PADI3: variants seen among roughly 807,000 people sequenced by gnomAD.
The protein encoded by PADI3 is peptidyl arginine deiminase 3, also known as protein-arginine deiminase type-3.
PADI3 carries 53 observed loss-of-function variants against 71.5 expected under a neutral mutation model. The observed-to-expected ratio is 0.74, with a 90% CI of 0.59 to 0.93. The LOEUF (loss-of-function observed/expected upper bound fraction) is 0.93, where lower values mean the gene tolerates loss of function less well. PADI3 is among the 40% of genes least tolerant of loss of function. PADI3 has a pLI of 0.00. For missense variants in PADI3, 821 were observed against 868.0 expected, an observed-to-expected ratio of 0.95 and a Z score of 0.68; for synonymous variants, 361 against 347.5, an observed-to-expected ratio of 1.04 and a Z score of -0.43.
intron 4 of PADI3, 70 bp downstream of exon 4, chr1:17,265,790 G>GGCCGGGCGCGGTGGCTC: frequency 7.2e-7 from 1 of 1,390,480 alleles, no homozygotes; most frequent in Non-Finnish European, 1.0e-6. Context: ...GGTTAAGAAG[G>GGCCGGGCGCGGTGGCTC]ATGAGGCCAT....
At position 17,262,155 on chromosome 1, in the gene PADI3, G is replaced by A; in HGVS notation, c.296G>A (p.Ser99Asn). ...DSHVQISYHSSHEPLPLAYAV... is the reference protein window; with the variant it reads ...DSHVQISYHSNHEPLPLAYAV... ...CAGGTTCAGATTTCCTACCACTCCA[G>A]CCATGAGCCTCTGCCCCTGGCCTAT... is the stretch of plus-strand genomic sequence containing the variant. Residue 99 changes from serine (S) to asparagine (N), a missense_variant, in exon 3 of 16, where the codon AGC (serine) becomes AAC (asparagine). By Grantham distance (46) the Ser-to-Asn change is conservative. Coordinates refer to ENST00000375460, the MANE Select transcript of PADI3 (RefSeq NM_016233.2). 6.2e-7 allele frequency: 1 copy of A among 1,613,562 alleles called. No homozygotes were observed.
chr1:17,261,690 G>A (rs1220909286), intron 2 of PADI3, among the ~76,000 whole-genome samples: 2 of 152,250 alleles, frequency 1.3e-5, no homozygotes, highest in African/African-American at 4.8e-5. Context: ...TTGCAGAGGA[G>A]AAAACTGAGG....
chr1:17,270,826 A>T, intron 7 of PADI3, 53 bp from the exon 8 acceptor site: 2 of 1,222,988 alleles, frequency 1.6e-6, no homozygotes, highest in East Asian at 4.7e-5. Flanking sequence ...GAGTCCCCCC[A>T]GGCCTCTGGA....
chr1:17,250,425 G>C (rs907040101), intron 1 of PADI3, among the ~76,000 whole-genome samples: 1 of 152,188 alleles, frequency 6.6e-6, no homozygotes, highest in Non-Finnish European at 1.5e-5. Flanking sequence ...GGGGTGGGAA[G>C]AAAATAGCCC....
At chr1:17,255,955 A>T (rs901003296) in intron 1 of PADI3, among the ~76,000 whole-genome samples, 13 of 152,170 alleles carry the variant, frequency 8.5e-5, no homozygotes, top group Admixed American at 5.9e-4. Context: ...CGGCTCCATC[A>T]TGTTGCCCCT....
chr1:17,274,738 G>A lies in PADI3; in HGVS notation c.1259G>A (p.Gly420Glu), dbSNP rs1219322057. The change falls in exon 11 of 16, where the codon GGG (glycine) becomes GAG (glutamate). Residue 420 changes from glycine to glutamate, a missense_variant. By Grantham distance (98) the Gly-to-Glu change is moderately conservative. Coordinates refer to ENST00000375460, the MANE Select transcript of PADI3 (RefSeq NM_016233.2). Reference sequence around the variant, plus strand: ...GTCAGCCCTCCAGTGGTGGCCAATGGGAAAGAGTACCCCCTGGGGAGGATC... The same window carrying A: ...GTCAGCCCTCCAGTGGTGGCCAATGAGAAAGAGTACCCCCTGGGGAGGATC... ...LEVSPPVVAN[G>E]KEYPLGRILI... 5 of 1,613,684 alleles carry A rather than the reference G, an allele frequency of 3.1e-6. No homozygotes were observed. The highest frequency in any genetic ancestry group is 4.2e-6 in the Non-Finnish European group (5 of 1,179,914).
chr1:17,281,704 C>T (rs749417867), intron 15 of PADI3, among the ~76,000 whole-genome samples: 6 of 152,156 alleles, frequency 3.9e-5, no homozygotes, highest in East Asian at 3.9e-4. Context: ...CCACCAGCCT[C>T]GGCCTCCCAA....
chr1:17,273,717 G>T (rs2073287606), intron 10 of PADI3, among the ~76,000 whole-genome samples: 1 of 152,096 alleles, frequency 6.6e-6, no homozygotes, highest in African/African-American at 2.4e-5. Flanking sequence ...AAAGTTAATT[G>T]GGCATCCTGT....
chr1:17,261,344 A>T (rs186362986), intron 2 of PADI3, among the ~76,000 whole-genome samples: 21 of 152,136 alleles, frequency 1.4e-4, no homozygotes, highest in African/African-American at 4.8e-4. Context: ...CCCATACATG[A>T]CTCCTTTCAT....
chr1:17,275,484 C>T (rs947993638), intron 11 of PADI3, among the ~76,000 whole-genome samples: 5 of 150,908 alleles, frequency 3.3e-5, no homozygotes, highest in African/African-American at 1.2e-4. Context: ...GTTTCCATTC[C>T]CAACAGTCCT....
intron 1 of PADI3, among the ~76,000 whole-genome samples, chr1:17,255,640 C>T (rs148488642): frequency 3.8e-4 from 58 of 152,328 alleles, no homozygotes; most frequent in Non-Finnish European, 7.3e-4. Context: ...TCTCATTCTC[C>T]TAACACACAG....
At chr1:17,265,818 C>T (rs927017685) in intron 4 of PADI3, 98 bp downstream of exon 4, 4 of 1,068,846 alleles carry the variant, frequency 3.7e-6, no homozygotes, top group Non-Finnish European at 5.8e-6. Flanking sequence ...ATCCCCCTGC[C>T]TCCCAGCTGA....
At chr1:17,268,178 A>G (rs2073197860) in intron 6 of PADI3, among the ~76,000 whole-genome samples, 1 of 152,218 alleles carries the variant, frequency 6.6e-6, no homozygotes, top group Non-Finnish European at 1.5e-5. Flanking sequence ...AGGTCATTTT[A>G]TTTGATGAAT....
At chr1:17,252,989 C>T (rs554673555) in intron 1 of PADI3, among the ~76,000 whole-genome samples, 7 of 152,344 alleles carry the variant, frequency 4.6e-5, no homozygotes, top group Non-Finnish European at 1.0e-4. Context: ...TTACACGCCA[C>T]TTCATTTTTT....
rs761066324 is a variant in PADI3 at position 17,267,868 on chromosome 1, G to T, written c.558G>T (p.Arg186=). The change falls in exon 6 of 16, where the codon CGG becomes CGT. Residue 186 remains arginine (R), a synonymous_variant. Transcript: ENST00000375460. ...AAGACATGTCTGTCATGGTCCTGCG[G>T]ACGCAGGGCCCTGCAGCCCTCTTTG... ...DLEDMSVMVL[R]TQGPAALFDD... is the part of the protein sequence containing the mutation. 3.1e-6 allele frequency: 5 copies of T among 1,613,852 alleles called. No homozygotes were observed. The Admixed American group carries it at 8.3e-5, about 27-fold the overall frequency.
chr1:17,270,354 T>A lies in PADI3; in HGVS notation c.774T>A (p.Asp258Glu). ...TCGTGGAAGGCCTGTCCTTCCCTGA[T>A]GCCGGCTTCACAGGACTCATCTCCT... ...RFFVEGLSFPDAGFTGLISFH... is the reference protein window; with the variant it reads ...RFFVEGLSFPEAGFTGLISFH... The change falls in exon 7 of 16, where the codon GAT becomes GAA. Residue 258 changes from aspartate to glutamate, a missense_variant. Asp to Glu is a conservative substitution (Grantham distance 45). Coordinates refer to ENST00000375460, the MANE Select transcript of PADI3 (RefSeq NM_016233.2). 1 of 1,614,020 alleles carries A rather than the reference T, an allele frequency of 6.2e-7. No homozygotes were observed. The highest frequency in any genetic ancestry group is 1.1e-5 in the South Asian group (1 of 91,072).
intron 1 of PADI3, among the ~76,000 whole-genome samples, chr1:17,255,846 G>A (rs1055547945): frequency 1.3e-5 from 2 of 152,138 alleles, no homozygotes; most frequent in African/African-American, 4.8e-5. Flanking sequence ...GCTGAGGGAG[G>A]CAGTCACTCG....
rs1241100593 is a variant in PADI3 at position 17,284,169 on chromosome 1, A to G, written c.*1090A>G. On this transcript the variant is annotated 3_prime_UTR_variant, in exon 16 of 16. Transcript: ENST00000375460. ...GGTTCTCGAGGTGTGTGCCAGCTAC[A>G]CGTGTGTTCTGTATGGGTCCAGCTG... 6.6e-6 allele frequency: 1 copy of G among 152,154 alleles called. No homozygotes were observed. The highest frequency in any genetic ancestry group is 2.4e-5 in the African/African-American group (1 of 41,410). 9.4% of individuals were successfully genotyped at this position (152,154 alleles called of 1,614,324 possible).
chr1:17,267,895 T>G lies in PADI3; in HGVS notation c.585T>G (p.Asp195Glu). The G allele has an allele frequency of 1.9e-6, 3 of 1,614,218 alleles. No individual in the cohort carries two copies. Among genetic ancestry groups the G allele is most frequent in the Non-Finnish European group, 2.5e-6 (3 of 1,180,044 alleles). The change falls in exon 6 of 16, where the codon GAT (aspartate) becomes GAG (glutamate). Residue 195 changes from aspartate to glutamate, a missense_variant. By Grantham distance (45) the Asp-to-Glu change is conservative (BLOSUM62 2). Coordinates refer to ENST00000375460, the MANE Select transcript of PADI3 (RefSeq NM_016233.2). Reference sequence around the variant, plus strand: ...CGCAGGGCCCTGCAGCCCTCTTTGATGACCACAAACTTGTCCTCCATACCT... The same window carrying G: ...CGCAGGGCCCTGCAGCCCTCTTTGAGGACCACAAACTTGTCCTCCATACCT... ...LRTQGPAALFDDHKLVLHTSS... is the reference protein window; with the variant it reads ...LRTQGPAALFEDHKLVLHTSS...
Sources: allele counts gnomAD v4.1 joint callset (sites outside exome capture counted in the v4.1 genomes callset), GRCh38; gene constraint gnomAD v4.1.1; transcripts MANE v1.5; gene names NCBI Gene and HGNC (gene_info 2026-07-23, HGNC 2026-07-21).